The following MAP4K3 variants were observed in gnomAD, a reference collection of about 807,000 sequenced individuals.
MAP4K3 encodes the protein mitogen-activated protein kinase kinase kinase kinase 3.
A neutral mutation model predicts 143.5 loss-of-function variants in MAP4K3; 94 were observed. The observed-to-expected ratio is 0.65, with a 90% CI of 0.55 to 0.78. The LOEUF (loss-of-function observed/expected upper bound fraction) is 0.78. Ranked by LOEUF, MAP4K3 falls within the 30% of genes least tolerant of loss-of-function variation. MAP4K3 has a pLI of 0.00. For synonymous variants in MAP4K3, 416 were observed against 347.2 expected (o/e 1.20, Z -2.20); for missense variants, 1,077 against 1,068.1 (o/e 1.01, Z -0.12).
At chr2:39,383,690 T>C (rs1392272102) in intron 1 of MAP4K3, among the ~76,000 whole-genome samples, 3 of 152,038 alleles carry the variant, frequency 2.0e-5, no homozygotes, top group Admixed American at 2.0e-4. Context: ...TTATTAAATT[T>C]GGATGATAAA....
At chr2:39,369,194 T>TTTTTTTGTTTG (rs1491348706) in intron 2 of MAP4K3, among the ~76,000 whole-genome samples, 2 of 71,224 alleles carry the variant, frequency 2.8e-5, no homozygotes, top group African/African-American at 1.4e-4. Context: ...TTTGGGCTAG[T>TTTTTTTGTTTG]TTTTTTTTTT....
At chr2:39,284,426 G>C (rs191828954) in intron 21 of MAP4K3, among the ~76,000 whole-genome samples, 17 of 152,238 alleles carry the variant, frequency 1.1e-4, no homozygotes, top group Non-Finnish European at 2.4e-4. Flanking sequence ...CTCCCAAAGT[G>C]TACGGATTAT....
intron 1 of MAP4K3, among the ~76,000 whole-genome samples, chr2:39,396,006 G>T (rs1441227434): frequency 2.0e-5 from 3 of 152,124 alleles, no homozygotes; most frequent in Non-Finnish European, 4.4e-5. Flanking sequence ...AAAAGGGGAA[G>T]GGAAATACAG....
At chr2:39,421,307 G>A (rs1477577426) in intron 1 of MAP4K3, among the ~76,000 whole-genome samples, 2 of 151,292 alleles carry the variant, frequency 1.3e-5, no homozygotes, top group African/African-American at 4.9e-5. Flanking sequence ...CTGGAAGTAA[G>A]ACTGCCTGAA....
chr2:39,376,006 A>C (rs566706179), intron 2 of MAP4K3, among the ~76,000 whole-genome samples: 2 of 152,234 alleles, frequency 1.3e-5, no homozygotes, highest in Non-Finnish European at 2.9e-5. Context: ...ATTTTGAGAC[A>C]TACTGTGAAT....
intron 16 of MAP4K3, among the ~76,000 whole-genome samples, chr2:39,295,442 C>T (rs1682231584): frequency 6.6e-6 from 1 of 151,944 alleles, no homozygotes; most frequent in African/African-American, 2.4e-5. Context: ...TCTTTGGAAT[C>T]CTCAATAATT....
intron 26 of MAP4K3, 76 bp downstream of exon 26, chr2:39,272,207 C>T (rs1333466804): frequency 4.3e-6 from 5 of 1,156,046 alleles, no homozygotes; most frequent in South Asian, 1.4e-5. Flanking sequence ...ACTGAGTGCT[C>T]TTTCACTTTC....
chr2:39,371,718 A>G (rs549698881), intron 2 of MAP4K3, among the ~76,000 whole-genome samples: 2 of 152,224 alleles, frequency 1.3e-5, no homozygotes, highest in South Asian at 4.1e-4. Flanking sequence ...GAAACAAGAA[A>G]AGAACAGGAG....
chr2:39,381,910 GGTCTCACACCTTATTTCAGTATACAC>G (rs1249903166), intron 1 of MAP4K3, among the ~76,000 whole-genome samples: 4 of 152,066 alleles, frequency 2.6e-5, no homozygotes, highest in Non-Finnish European at 5.9e-5. Flanking sequence ...TCCTGGCCCT[GGTCTCACACCTTATTTCAGTATACAC>G]GTCCCCCACC....
At position 39,377,201 on chromosome 2, in the gene MAP4K3, C is replaced by CTTTT. The variant is rs56149359; in HGVS notation, c.154+861_154+864dup. The stretch of plus-strand genomic sequence containing the variant: ...AAGTCTAAAGTATTGGCTATTTGGC[C>CTTTT]TTTTTTTTTTTTTTAAACAGAAAAA... On this transcript the variant is annotated intron_variant, in intron 2 of 33. Transcript: ENST00000263881. Among the ~76,000 whole-genome samples the CTTTT allele has an allele frequency of 3.0e-4, 33 of 110,590 alleles. No individual in the cohort carries two copies. In the Admixed American group the frequency reaches 3.2e-3, roughly 11 times the overall value. 72.6% of individuals were successfully genotyped at this position (110,590 alleles called of 152,430 possible). A position where few individuals can be genotyped will look rare whatever the true frequency, so the allele number is the denominator to read the frequency against.
intron 3 of MAP4K3, among the ~76,000 whole-genome samples, chr2:39,351,009 T>G (rs553362574): frequency 6.6e-6 from 1 of 152,286 alleles, no homozygotes; most frequent in South Asian, 2.1e-4. Flanking sequence ...AGTATTACAC[T>G]ATTTACATAG....
intron 4 of MAP4K3, among the ~76,000 whole-genome samples, chr2:39,340,536 T>A (rs968243538): frequency 6.6e-6 from 1 of 152,132 alleles, no homozygotes; most frequent in Non-Finnish European, 1.5e-5. Context: ...ACCAGTTAGG[T>A]TGAAATGGAA....
rs1680081039 is a variant in MAP4K3 at position 39,249,819 on chromosome 2, C to A, written c.*799G>T. The A allele has an allele frequency of 6.6e-6, 1 of 152,516 alleles. No individual in the cohort carries two copies. The highest frequency in any genetic ancestry group is 2.4e-5 in the African/African-American group (1 of 41,414). 9.4% of individuals were successfully genotyped at this position (152,516 alleles called of 1,614,324 possible). A position where few individuals can be genotyped will look rare whatever the true frequency, so the allele number is the denominator to read the frequency against. ...ATCATGGTACCGCTATTCTGTGATT[C>A]AAAAATGTTCAAAGGTATTGTTTTT... is the stretch of plus-strand genomic sequence containing the variant. On this transcript the variant is annotated 3_prime_UTR_variant, in exon 34 of 34. Transcript: ENST00000263881.
chr2:39,366,449 GA>G, intron 2 of MAP4K3, among the ~76,000 whole-genome samples: 1 of 152,210 alleles, frequency 6.6e-6, no homozygotes, highest in Non-Finnish European at 1.5e-5. Flanking sequence ...CGTCTCTTCA[GA>G]CGTAAATGTT....
intron 1 of MAP4K3, among the ~76,000 whole-genome samples, chr2:39,408,039 GCT>G (rs369207747): frequency 7.9e-5 from 12 of 152,154 alleles, no homozygotes; most frequent in African/African-American, 2.9e-4. Context: ...GATCAGGACT[GCT>G]CTTATCTACA....
At chr2:39,291,008 A>G (rs1261827711) in intron 18 of MAP4K3, among the ~76,000 whole-genome samples, 2 of 151,580 alleles carry the variant, frequency 1.3e-5, no homozygotes, top group Non-Finnish European at 3.0e-5. Context: ...CTGCATGCAG[A>G]GAGCTGAGAT....
At chr2:39,399,553 G>C (rs1318792789) in intron 1 of MAP4K3, among the ~76,000 whole-genome samples, 4 of 152,220 alleles carry the variant, frequency 2.6e-5, no homozygotes, top group Non-Finnish European at 5.9e-5. Flanking sequence ...TCTACATGTA[G>C]CACCTCAGTC....
At chr2:39,400,450 G>C (rs1413806291) in intron 1 of MAP4K3, among the ~76,000 whole-genome samples, 1 of 152,014 alleles carries the variant, frequency 6.6e-6, no homozygotes, top group Non-Finnish European at 1.5e-5. Context: ...TATTTCTTGG[G>C]TGTTCTTACC....
intron 6 of MAP4K3, 70 bp from the exon 7 acceptor site, chr2:39,333,644 T>C: frequency 1.3e-6 from 1 of 777,696 alleles, no homozygotes; most frequent in Admixed American, 2.4e-5. Flanking sequence ...ATATAATAAA[T>C]ATACATATTT....
Sources: allele counts gnomAD v4.1 joint callset (sites outside exome capture counted in the v4.1 genomes callset), GRCh38; gene constraint gnomAD v4.1.1; transcripts MANE v1.5; gene names NCBI Gene and HGNC (gene_info 2026-07-23, HGNC 2026-07-21).